Variants in OPRM1 observed in about 807,000 individuals in gnomAD.
The protein encoded by OPRM1 is opioid receptor mu 1.
A neutral mutation model predicts 31.8 loss-of-function variants in OPRM1; 27 were observed. That is an observed-to-expected ratio of 0.85 (90% confidence interval 0.63 to 1.17). The LOEUF (loss-of-function observed/expected upper bound fraction) is 1.17. Among genes scored for constraint, OPRM1 ranks in the 50% most tolerant of loss-of-function variants. The pLI is 0.00. For synonymous variants in OPRM1, 196 were observed against 189.9 expected (o/e 1.03, Z -0.26); for missense variants, 536 against 511.1 (o/e 1.05, Z -0.47).
chr6:154,190,330 AC>A (rs751236941), intron 3 of OPRM1, among the ~76,000 whole-genome samples: 20 of 152,252 alleles, frequency 1.3e-4, no homozygotes, highest in Non-Finnish European at 2.8e-4. Flanking sequence ...GAAAGTATAT[AC>A]AAAAATTAAT....
intron 3 of OPRM1, chr6:154,218,982 CTT>C (rs998246789): frequency 6.6e-6 from 1 of 152,178 alleles, no homozygotes; most frequent in African/African-American, 2.4e-5. Context: ...CTGTGAAAGA[CTT>C]TGATTTCACA....
At chr6:154,017,478 ATGCTCTC>A (rs1268755212) in intron 1 of OPRM1, among the ~76,000 whole-genome samples, 1 of 152,124 alleles carries the variant, frequency 6.6e-6, no homozygotes, top group Non-Finnish European at 1.5e-5. Flanking sequence ...GCTAAAGAGG[ATGCTCTC>A]TGAAGGCATT....
At chr6:154,152,671 T>C (rs981218028) in intron 3 of OPRM1, among the ~76,000 whole-genome samples, 1 of 150,964 alleles carries the variant, frequency 6.6e-6, no homozygotes, top group African/African-American at 2.4e-5. Flanking sequence ...GAATACCTGA[T>C]CTGATAATTA....
At chr6:154,117,858 G>GGGGTGTGTGTGT (rs1554279534) in intron 3 of OPRM1, among the ~76,000 whole-genome samples, 2 of 145,562 alleles carry the variant, frequency 1.4e-5, no homozygotes, top group Admixed American at 6.9e-5. Flanking sequence ...TTAAAAAGAT[G>GGGGTGTGTGTGT]GTGTGTGTGT....
At chr6:154,054,178 G>T (rs1337403624) in intron 1 of OPRM1, among the ~76,000 whole-genome samples, 2 of 151,906 alleles carry the variant, frequency 1.3e-5, no homozygotes, top group African/African-American at 4.8e-5. Context: ...GACCATCCTG[G>T]CTAACACGGT....
chr6:154,090,809 A>G, intron 2 of OPRM1, 143 bp from the exon 3 acceptor site: 3 of 727,972 alleles, frequency 4.1e-6, no homozygotes, highest in Non-Finnish European at 6.7e-6. Context: ...GTAACAAACA[A>G]CTGAGTTTCT....
At chr6:154,227,011 A>T (rs1779304572) in intron 3 of OPRM1, among the ~76,000 whole-genome samples, 1 of 152,096 alleles carries the variant, frequency 6.6e-6, no homozygotes, top group Non-Finnish European at 1.5e-5. Flanking sequence ...AGCCTGGCCA[A>T]CATGGTGAAA....
chr6:154,188,497 T>A (rs1801580581), intron 3 of OPRM1, among the ~76,000 whole-genome samples: 1 of 152,254 alleles, frequency 6.6e-6, no homozygotes, highest in East Asian at 1.9e-4. Flanking sequence ...TATGCACGCA[T>A]GTGCATGTGT....
At chr6:154,161,579 C>A (rs920662437) in intron 3 of OPRM1, among the ~76,000 whole-genome samples, 2 of 152,172 alleles carry the variant, frequency 1.3e-5, no homozygotes, top group Non-Finnish European at 2.9e-5. Flanking sequence ...ACCTTCCCTG[C>A]ACTCCCAAAA....
chr6:154,089,983 T>G lies in OPRM1; in HGVS notation c.448T>G (p.Tyr150Asp). The change falls in exon 2 of 4, where the codon TAC (tyrosine) becomes GAC (aspartate). Residue 150 changes from tyrosine to aspartate, a missense_variant. Coordinates refer to ENST00000330432, the MANE Select transcript of OPRM1 (RefSeq NM_000914.5). ...ILCKIVISID[Y>D]YNMFTSIFTL... The stretch of plus-strand genomic sequence containing the variant: ...TTGCAAGATAGTGATCTCCATAGAT[T>G]ACTATAACATGTTCACCAGCATATT... 6.2e-7 allele frequency: 1 copy of G among 1,613,454 alleles called. No homozygotes were observed. Among genetic ancestry groups the G allele is most frequent in the Non-Finnish European group, 8.5e-7 (1 of 1,179,338 alleles).
At chr6:154,198,631 T>TACAC (rs3070838) in intron 3 of OPRM1, among the ~76,000 whole-genome samples, 4,193 of 146,754 alleles carry the variant, frequency 0.029, 62 homozygotes, top group Middle Eastern at 0.048. Context: ...AAATATTACA[T>TACAC]ACACACACAC....
At chr6:154,047,921 T>C (rs1298403069) in intron 1 of OPRM1, among the ~76,000 whole-genome samples, 4 of 152,134 alleles carry the variant, frequency 2.6e-5, no homozygotes, top group African/African-American at 7.2e-5. Flanking sequence ...CTGAGGACCT[T>C]CTTGCAGAGA....
chr6:154,184,379 G>A (rs1415596585), intron 3 of OPRM1, among the ~76,000 whole-genome samples: 1 of 151,970 alleles, frequency 6.6e-6, no homozygotes, highest in Non-Finnish European at 1.5e-5. Context: ...TCACACCACA[G>A]AAAATGATGC....
intron 3 of OPRM1, among the ~76,000 whole-genome samples, chr6:154,150,552 A>G (rs1798473109): frequency 6.6e-6 from 1 of 152,232 alleles, no homozygotes; most frequent in African/African-American, 2.4e-5. Flanking sequence ...GCCTCATGGG[A>G]ACCCTCTGGG....
At chr6:154,222,562 G>A (rs948494486) in intron 3 of OPRM1, among the ~76,000 whole-genome samples, 2 of 152,188 alleles carry the variant, frequency 1.3e-5, no homozygotes, top group Non-Finnish European at 2.9e-5. Context: ...ATAGATACCT[G>A]GGTTTACAGC....
chr6:154,152,347 G>GAAAAGA, intron 3 of OPRM1, among the ~76,000 whole-genome samples: 1 of 65,132 alleles, frequency 1.5e-5, no homozygotes, highest in African/African-American at 5.6e-5. Context: ...AAGAAAGAAA[G>GAAAAGA]GAAAGAAAGA....
intron 1 of OPRM1, among the ~76,000 whole-genome samples, chr6:154,044,287 A>G (rs1780668701): frequency 6.6e-6 from 1 of 152,150 alleles, no homozygotes. Context: ...TATATAGTAA[A>G]CATATGGAAA....
intron 3 of OPRM1, chr6:154,167,817 G>A: frequency 1.2e-6 from 1 of 850,460 alleles, no homozygotes. Context: ...GCCCTTCCCT[G>A]CAACCACACA....
At chr6:154,227,983 C>G (rs1223713359) in intron 3 of OPRM1, among the ~76,000 whole-genome samples, 7 of 95,914 alleles carry the variant, frequency 7.3e-5, no homozygotes, top group Non-Finnish European at 1.5e-4. Context: ...GCTTATTTGA[C>G]TTGCAAAAAA....
Sources: gnomAD v4.1 joint callset for allele counts (sites outside exome capture counted in the v4.1 genomes callset) on GRCh38, gnomAD v4.1.1 for gene constraint, MANE v1.5 for transcripts, NCBI Gene and HGNC (gene_info 2026-07-23, HGNC 2026-07-21) for gene names.